Variants in DCC observed in about 807,000 individuals in gnomAD.
DCC encodes the protein netrin receptor DCC.
In DCC, 58 loss-of-function variants were observed where a neutral mutation model predicts 172.5. The ratio of observed to expected loss-of-function variants is 0.34; its 90% confidence interval spans 0.27 to 0.42. DCC has a LOEUF of 0.42. Among genes scored for constraint, DCC ranks in the 10% least tolerant of loss-of-function variants. The probability of loss-of-function intolerance (pLI) is 1.00; values close to 1 mark genes in which losing one functional copy is unlikely to be tolerated. For missense variants in DCC, 1,740 were observed against 1,791.0 expected (o/e 0.97, Z 0.51); for synonymous variants, 709 against 644.5 (o/e 1.10, Z -1.52).
At chr18:53,525,465 G>T (rs542853515) in intron 27 of DCC, among the ~76,000 whole-genome samples, 3 of 152,156 alleles carry the variant, frequency 2.0e-5, no homozygotes, top group East Asian at 3.9e-4. Context: ...TAAATATGAA[G>T]AAATTTCATG....
chr18:52,557,262 C>T (rs1010711339), intron 1 of DCC, among the ~76,000 whole-genome samples: 9 of 152,150 alleles, frequency 5.9e-5, no homozygotes, highest in Non-Finnish European at 1.2e-4. Context: ...AAGGATAGCG[C>T]CTAGGGTTTC....
At chr18:53,104,234 A>G (rs2043212856) in intron 7 of DCC, among the ~76,000 whole-genome samples, 1 of 151,942 alleles carries the variant, frequency 6.6e-6, no homozygotes, top group South Asian at 2.1e-4. Context: ...ACCTAGTGAT[A>G]TGGTTTGGCT....
chr18:52,441,086 A>G (rs1987956782), intron 1 of DCC, among the ~76,000 whole-genome samples: 1 of 152,232 alleles, frequency 6.6e-6, no homozygotes, highest in Admixed American at 6.5e-5. Flanking sequence ...ATAAGAAAAT[A>G]GTCAATAATA....
intron 5 of DCC, among the ~76,000 whole-genome samples, chr18:53,020,491 A>G (rs913754534): frequency 4.6e-5 from 7 of 152,164 alleles, no homozygotes; most frequent in Non-Finnish European, 1.0e-4. Flanking sequence ...CTGCACCAAA[A>G]GTTATTCAGA....
At chr18:52,696,661 T>C (rs1032827446) in intron 1 of DCC, among the ~76,000 whole-genome samples, 5 of 152,158 alleles carry the variant, frequency 3.3e-5, no homozygotes, top group Non-Finnish European at 7.4e-5. Context: ...GAGGGTGAAG[T>C]AGGAAGAATT....
At chr18:52,965,570 A>G (rs887000808) in intron 5 of DCC, among the ~76,000 whole-genome samples, 1 of 152,198 alleles carries the variant, frequency 6.6e-6, no homozygotes, top group Non-Finnish European at 1.5e-5. Context: ...GAAAAGTAAT[A>G]ATAATTTTTG....
At position 53,217,634 on chromosome 18, in the gene DCC, C is replaced by A. The variant is rs189436436; in HGVS notation, c.1911+2037C>A. 9.3e-3 allele frequency among the ~76,000 whole-genome samples: 1,407 copies of A among 152,068 alleles called. 11 individuals are homozygous for A. Among genetic ancestry groups the A allele is most frequent in the Middle Eastern group, 0.027 (8 of 294 alleles). On this transcript the variant is annotated intron_variant, in intron 12 of 28. Coordinates refer to ENST00000442544, the MANE Select transcript of DCC (RefSeq NM_005215.4). The stretch of plus-strand genomic sequence containing the variant: ...TGGATGATCAAAACACCACTTTTTG[C>A]ATTCTCAGTGTATTGATTCAGACAA...
intron 7 of DCC, among the ~76,000 whole-genome samples, chr18:53,151,982 C>G (rs2054648763): frequency 6.6e-6 from 1 of 151,596 alleles, no homozygotes; most frequent in Non-Finnish European, 1.5e-5. Context: ...AGTTTAGTGT[C>G]AAGGGAACAA....
At chr18:52,539,987 G>A (rs1006883313) in intron 1 of DCC, among the ~76,000 whole-genome samples, 1 of 152,172 alleles carries the variant, frequency 6.6e-6, no homozygotes, top group Admixed American at 6.5e-5. Context: ...AATTCTGAAA[G>A]CTGTATTCAT....
intron 2 of DCC, among the ~76,000 whole-genome samples, chr18:52,758,163 A>C (rs940629440): frequency 2.6e-5 from 4 of 152,236 alleles, no homozygotes; most frequent in Admixed American, 1.3e-4. Context: ...TATCATAGCT[A>C]TACATTCAAT....
At chr18:52,684,305 A>C (rs1191468897) in intron 1 of DCC, among the ~76,000 whole-genome samples, 1 of 152,116 alleles carries the variant, frequency 6.6e-6, no homozygotes, top group Non-Finnish European at 1.5e-5. Flanking sequence ...TGGAATCACA[A>C]CCAGCAATTT....
chr18:52,672,632 C>T, intron 1 of DCC, among the ~76,000 whole-genome samples: 1 of 151,880 alleles, frequency 6.6e-6, no homozygotes, highest in South Asian at 2.1e-4. Flanking sequence ...TCCCTCCTTC[C>T]CTCTTTCCTC....
At chr18:53,056,992 A>T (rs2144057791) in intron 5 of DCC, among the ~76,000 whole-genome samples, 1 of 151,086 alleles carries the variant, frequency 6.6e-6, no homozygotes, top group South Asian at 2.1e-4. Flanking sequence ...TATATATATT[A>T]CAGTGATATT....
Position 53,468,399 on chromosome 18 carries a change from T to TTATTTATTTATTTATTC in DCC, c.3736+390_3736+391insATTTATTTATTTATTCT, listed in dbSNP as rs60699383. On this transcript the variant is annotated intron_variant, in intron 25 of 28. Coordinates refer to ENST00000442544, the MANE Select transcript of DCC (RefSeq NM_005215.4). ...TATTTATTTTATTTATTTATTTATTTTGAGACAGAATCTTGCTGTGTTGCC... is the reference window on the plus strand; with the variant it reads ...TATTTATTTTATTTATTTATTTATTTTATTTATTTATTTATTCTGAGACAGAATCTTGCTGTGTTGCC... 7.9e-5 allele frequency among the ~76,000 whole-genome samples: 12 copies of TTATTTATTTATTTATTC among 151,162 alleles called. No homozygotes were observed. In the East Asian group the frequency reaches 2.1e-3, roughly 27 times the overall value.
At chr18:53,395,446 T>C (rs1048692883) in intron 17 of DCC, among the ~76,000 whole-genome samples, 2 of 152,194 alleles carry the variant, frequency 1.3e-5, no homozygotes, top group African/African-American at 4.8e-5. Flanking sequence ...ATACTTCTTA[T>C]TGCCTCATTT....
chr18:52,679,186 G>A (rs2035697487), intron 1 of DCC, among the ~76,000 whole-genome samples: 1 of 151,910 alleles, frequency 6.6e-6, no homozygotes, highest in Admixed American at 6.6e-5. Context: ...ATAACATTTA[G>A]TAAGTGGTGA....
At chr18:53,015,924 C>G (rs542726010) in intron 5 of DCC, among the ~76,000 whole-genome samples, 9 of 152,166 alleles carry the variant, frequency 5.9e-5, no homozygotes, top group African/African-American at 2.2e-4. Context: ...TTAACCAAAA[C>G]ATATAAAAAT....
At chr18:52,500,223 T>C (rs192837725) in intron 1 of DCC, among the ~76,000 whole-genome samples, 53 of 152,248 alleles carry the variant, frequency 3.5e-4, no homozygotes, top group African/African-American at 1.3e-3. Flanking sequence ...ATTTCCTGGT[T>C]GAAGTGAGCT....
At chr18:52,909,813 C>A (rs2039943386) in intron 3 of DCC, among the ~76,000 whole-genome samples, 1 of 152,050 alleles carries the variant, frequency 6.6e-6, no homozygotes, top group Non-Finnish European at 1.5e-5. Flanking sequence ...AGCTTATAGT[C>A]CAATGGGAGA....
Sources: allele counts gnomAD v4.1 joint callset (sites outside exome capture counted in the v4.1 genomes callset), GRCh38; gene constraint gnomAD v4.1.1; transcripts MANE v1.5; gene names NCBI Gene and HGNC (gene_info 2026-07-23, HGNC 2026-07-21).